The following TMC5 variants were observed in gnomAD, a reference collection of about 807,000 sequenced individuals.
TMC5 encodes transmembrane channel like 5.
TMC5 carries 86 observed loss-of-function variants against 110.5 expected under a neutral mutation model. The observed-to-expected ratio is 0.78, with a 90% CI of 0.65 to 0.93. The LOEUF (loss-of-function observed/expected upper bound fraction) is 0.93, where lower values mean the gene tolerates loss of function less well. Among genes scored for constraint, TMC5 ranks in the 40% least tolerant of loss-of-function variants. TMC5 has a pLI of 0.00. For synonymous variants in TMC5, 455 were observed against 439.5 expected, an observed-to-expected ratio of 1.04 and a Z score of -0.44; for missense variants, 1,144 against 1,222.8, an observed-to-expected ratio of 0.94 and a Z score of 0.96.
Position 19,468,611 on chromosome 16 carries a change from A to G in TMC5, c.1638-1070A>G, listed in dbSNP as rs149551174. ...ATCCTGGATTATCCCAGTGGGCCCA[A>G]TGGAATCACAAGGGTCTTTATAAGA... is the stretch of plus-strand genomic sequence containing the variant. On this transcript the variant is annotated intron_variant, in intron 9 of 21. Coordinates refer to ENST00000542583, the MANE Select transcript of TMC5 (RefSeq NM_001261841.2). 9.2e-3 allele frequency among the ~76,000 whole-genome samples: 1,407 copies of G among 152,282 alleles called. 12 individuals carry two copies. The highest frequency in any genetic ancestry group is 0.013 in the Non-Finnish European group (914 of 68,018).
intron 5 of TMC5, among the ~76,000 whole-genome samples, chr16:19,457,495 A>AGAGCTTATTTTTATC (rs1446350239): frequency 2.0e-5 from 3 of 152,156 alleles, no homozygotes; most frequent in Non-Finnish European, 4.4e-5. Context: ...ATCCCTAACA[A>AGAGCTTATTTTTATC]GAGCTTATTT....
Position 19,460,346 on chromosome 16 carries a change from AG to A in TMC5, c.1148+14del, listed in dbSNP as rs1967991033. 2 of 1,565,026 alleles carry A rather than the reference AG, an allele frequency of 1.3e-6. No individual in the cohort carries two copies. The highest frequency in any genetic ancestry group is 1.7e-6 in the Non-Finnish European group (2 of 1,144,616). Reference sequence around the variant, plus strand: ...AAAAGGAACCTTAGGTATGGACTAAAGGCTTTTCTTCTTTCTCAGATTTCAT... The same window carrying A: ...AAAAGGAACCTTAGGTATGGACTAAAGCTTTTCTTCTTTCTCAGATTTCAT... On this transcript the variant is annotated intron_variant, in intron 6 of 21. Coordinates refer to ENST00000542583, the MANE Select transcript of TMC5 (RefSeq NM_001261841.2).
At chr16:19,497,270 A>G in intron 21 of TMC5, 107 bp downstream of exon 21, 1 of 1,196,126 alleles carries the variant, frequency 8.4e-7, no homozygotes, top group Non-Finnish European at 1.2e-6. Flanking sequence ...TCAGTTGCAA[A>G]TTGGATCCAA....
intron 20 of TMC5, among the ~76,000 whole-genome samples, chr16:19,496,820 G>A (rs1313256310): frequency 6.7e-6 from 1 of 149,632 alleles, no homozygotes; most frequent in African/African-American, 2.5e-5. Context: ...AACCCGAGAG[G>A]CGGAGGTTGC....
At chr16:19,479,920 T>G (rs1363976102) in intron 14 of TMC5, among the ~76,000 whole-genome samples, 1 of 137,124 alleles carries the variant, frequency 7.3e-6, no homozygotes, top group Non-Finnish European at 1.5e-5. Flanking sequence ...ATAGGAAGAC[T>G]CTGTCTCTAT....
intron 2 of TMC5, among the ~76,000 whole-genome samples, chr16:19,433,851 C>T (rs906059243): frequency 2.0e-5 from 3 of 150,230 alleles, no homozygotes; most frequent in Non-Finnish European, 4.4e-5. Context: ...GACAGGGTCT[C>T]ATTCTGTTGC....
chr16:19,412,785 G>C (rs1966859270), intron 1 of TMC5, among the ~76,000 whole-genome samples: 1 of 152,180 alleles, frequency 6.6e-6, no homozygotes, highest in Admixed American at 6.5e-5. Context: ...TACAGGAGTG[G>C]GGGAATGGCA....
At chr16:19,492,290 C>T (rs1968927738) in intron 19 of TMC5, 62 bp downstream of exon 19, 1 of 1,194,540 alleles carries the variant, frequency 8.4e-7, no homozygotes, top group African/African-American at 1.5e-5. Flanking sequence ...GTATAAACAT[C>T]CTCCAAAATA....
At chr16:19,412,646 G>A (rs1966858752) in intron 1 of TMC5, among the ~76,000 whole-genome samples, 1 of 152,182 alleles carries the variant, frequency 6.6e-6, no homozygotes. Context: ...GGGATTACAG[G>A]CGTGAGCCAC....
chr16:19,494,458 A>G lies in TMC5; in HGVS notation c.2931+92A>G, dbSNP rs1200824908. ...GAGAACTACAGACCAAGCTCTTGGGATCATGGAAGGGCCCTTCACTCTCTG... is the reference window on the plus strand; with the variant it reads ...GAGAACTACAGACCAAGCTCTTGGGGTCATGGAAGGGCCCTTCACTCTCTG... On this transcript the variant is annotated intron_variant, in intron 20 of 21. Coordinates refer to ENST00000542583, the MANE Select transcript of TMC5 (RefSeq NM_001261841.2). The G allele has an allele frequency of 1.6e-5, 13 of 799,052 alleles. No individual in the cohort carries two copies. In the East Asian group the frequency reaches 3.0e-4, roughly 19 times the overall value. 49.5% of individuals were successfully genotyped at this position (799,052 alleles called of 1,614,324 possible). A position where few individuals can be genotyped will look rare whatever the true frequency, so the allele number is the denominator to read the frequency against.
intron 2 of TMC5, among the ~76,000 whole-genome samples, chr16:19,431,071 C>T (rs1452155938): frequency 6.6e-6 from 1 of 152,094 alleles, no homozygotes; most frequent in East Asian, 1.9e-4. Flanking sequence ...AATGATGGTT[C>T]ATTGGAACTA....
chr16:19,425,134 A>G (rs922008967), intron 1 of TMC5, among the ~76,000 whole-genome samples: 1 of 152,202 alleles, frequency 6.6e-6, no homozygotes, highest in Non-Finnish European at 1.5e-5. Context: ...GGAAACCTGG[A>G]ATAAAGACCA....
At chr16:19,421,470 CT>C (rs1176382941) in intron 1 of TMC5, among the ~76,000 whole-genome samples, 1 of 152,150 alleles carries the variant, frequency 6.6e-6, no homozygotes, top group Non-Finnish European at 1.5e-5. Context: ...TAAGATGTGC[CT>C]TTGCTCCTCC....
At chr16:19,423,232 C>T (rs1174148706) in intron 1 of TMC5, among the ~76,000 whole-genome samples, 1 of 152,204 alleles carries the variant, frequency 6.6e-6, no homozygotes, top group Non-Finnish European at 1.5e-5. Context: ...CCAGATCATT[C>T]TTGGCTGTGG....
chr16:19,413,577 G>A (rs550752446), upstream of TMC5, among the ~76,000 whole-genome samples: 74 of 147,322 alleles, frequency 5.0e-4, no homozygotes, highest in Middle Eastern at 3.7e-3. Context: ...CAGTTTCTGG[G>A]GACAGTAAGG....
chr16:19,432,877 T>G (rs1567299681), intron 2 of TMC5, among the ~76,000 whole-genome samples: 4 of 152,194 alleles, frequency 2.6e-5, no homozygotes, highest in Non-Finnish European at 5.9e-5. Flanking sequence ...AATCTATGTG[T>G]GTTTTTGTAT....
intron 9 of TMC5, among the ~76,000 whole-genome samples, chr16:19,467,160 A>T (rs558912547): frequency 6.7e-6 from 1 of 150,350 alleles, no homozygotes; most frequent in South Asian, 2.1e-4. Context: ...AAAGAGAGAG[A>T]AAGAAAGAAA....
chr16:19,463,277 C>T lies in TMC5; in HGVS notation c.1149-3C>T, dbSNP rs758764855. ...TCTCATTTTCTCTTGCTGTTCCCTA[C>T]AGGAAAATAGTTGACAAAGAAAAAA... On this transcript the variant is annotated splice_polypyrimidine_tract_variant and splice_region_variant and intron_variant, in intron 6 of 21. Coordinates refer to ENST00000542583, the MANE Select transcript of TMC5 (RefSeq NM_001261841.2). 2 of 1,610,542 alleles carry T rather than the reference C, an allele frequency of 1.2e-6. No homozygotes were observed. Among genetic ancestry groups the T allele is most frequent in the Non-Finnish European group, 1.7e-6 (2 of 1,176,802 alleles).
chr16:19,496,061 G>A (rs1406686523), intron 20 of TMC5, among the ~76,000 whole-genome samples: 1 of 151,090 alleles, frequency 6.6e-6, no homozygotes, highest in Admixed American at 6.6e-5. Context: ...GGAGGCTGAA[G>A]CACAGGAAAT....
Sources: allele counts gnomAD v4.1 joint callset (sites outside exome capture counted in the v4.1 genomes callset), GRCh38; gene constraint gnomAD v4.1.1; transcripts MANE v1.5; gene names NCBI Gene and HGNC (gene_info 2026-07-23, HGNC 2026-07-21).